MLF2: variants seen among roughly 807,000 people sequenced by gnomAD.
MLF2 encodes myelodysplasia-myeloid leukemia factor 2.
MLF2 carries 12 observed loss-of-function variants against 31.4 expected under a neutral mutation model. That is an observed-to-expected ratio of 0.38 (90% CI 0.24 to 0.62). The LOEUF is 0.62. Ranked by LOEUF, MLF2 falls within the 20% of genes least tolerant of loss-of-function variation. The pLI, the probability that MLF2 is intolerant of heterozygous loss-of-function variation, is 0.58. For synonymous variants in MLF2, 109 were observed against 118.8 expected (o/e 0.92, Z 0.54); for missense variants, 272 against 359.7 (o/e 0.76, Z 1.97).
Position 6,752,707 on chromosome 12 carries a change from A to ATTTT in MLF2, c.-29+231_-29+232insAAAA. 1.5e-5 allele frequency: 3 copies of ATTTT among 197,424 alleles called. No homozygotes were observed. Among genetic ancestry groups the ATTTT allele is most frequent in the Admixed American group, 1.1e-4 (2 of 18,004 alleles). 12.2% of individuals were successfully genotyped at this position (197,424 alleles called of 1,614,324 possible). A position where few individuals can be genotyped will look rare whatever the true frequency, so the allele number is the denominator to read the frequency against. ...ATGCCAAGTGCAGGTCCTCCGCCCC[A>ATTTT]TTAATGACCCCAGTCACCCCGCCCC... On this transcript the variant is annotated intron_variant, in intron 1 of 8. Coordinates refer to ENST00000203630, the MANE Select transcript of MLF2 (RefSeq NM_001382226.1). The surrounding 1 kb of genome is among the most constrained non-coding windows in gnomAD (Gnocchi z 4.6).
chr12:6,751,221 C>CTTTT, intron 4 of MLF2: 1 of 192,146 alleles, frequency 5.2e-6, no homozygotes, highest in Admixed American at 5.7e-5. Flanking sequence ...AACATCTTTT[C>CTTTT]TTTTTTTTTT....
chr12:6,748,856 C>G lies in MLF2; in HGVS notation c.686G>C (p.Arg229Pro). Residue 229 changes from arginine (R) to proline (P), a missense_variant, in exon 8 of 9, where the codon CGC becomes CCC. Transcript: ENST00000203630. The surrounding 1 kb of genome is among the most constrained non-coding windows in gnomAD (Gnocchi z 4.6). ...GTCCTCAGGTCCCTGGATGGCCAGG[C>G]GGGGAGGCCCCTCCGCCCTTCGTCC... ...AGGRRAEGPPRLAIQGPEDSP... is the reference protein window; with the variant it reads ...AGGRRAEGPPPLAIQGPEDSP... 1.9e-6 allele frequency: 3 copies of G among 1,585,764 alleles called. No homozygotes were observed. Among genetic ancestry groups the G allele is most frequent in the Non-Finnish European group, 2.6e-6 (3 of 1,169,424 alleles).
In MLF2 at chr12:6,748,947, C is replaced by G. The variant is rs758707707; in HGVS notation, c.595G>C (p.Glu199Gln). Residue 199 changes from glutamate (E) to glutamine (Q), a missense_variant, in exon 8 of 9, where the codon GAG becomes CAG. Transcript: ENST00000203630. This position sits in a 1 kb window ranked among gnomAD's most constrained non-coding sequence, Gnocchi z 4.6. ...AAAFDDEWRR[E>Q]TSRFRQQRPL... ...CGCTGCTGCCGGAATCGGGAGGTCT[C>G]CCGCCGCCACTCGTCATCAAACGCT... 1.2e-6 allele frequency: 2 copies of G among 1,600,922 alleles called. No individual in the cohort carries two copies. The highest frequency in any genetic ancestry group is 1.7e-5 in the Admixed American group (1 of 58,600).
intron 3 of MLF2, 120 bp downstream of exon 3, chr12:6,751,805 C>G: frequency 6.4e-7 from 1 of 1,568,840 alleles, no homozygotes; most frequent in Non-Finnish European, 8.7e-7. Context: ...TTTCCTGACC[C>G]TTTCCCCAAC....
rs1046145333 is a variant in MLF2, at chr12:6,750,198, C to T, written c.378G>A (p.Glu126=). The change falls in exon 6 of 9, where the codon GAG becomes GAA. Residue 126 remains glutamate (E), a synonymous_variant. Transcript: ENST00000203630. This position sits in a 1 kb window ranked among gnomAD's most constrained non-coding sequence, Gnocchi z 5.3. The part of the protein sequence containing the change: ...GAPKVYQETS[E]MRSAPGGIRE... The stretch of plus-strand genomic sequence containing the variant: ...TCACCCCGCCTGGTGCCGAGCGCAT[C>T]TCTGATGTCTCTTGGTAGACCTTGG... The T allele has an allele frequency of 1.2e-6, 2 of 1,614,214 alleles. No homozygotes were observed. Among genetic ancestry groups the T allele is most frequent in the Non-Finnish European group, 1.7e-6 (2 of 1,180,036 alleles).
At position 6,750,282 on chromosome 12, in the gene MLF2, A is replaced by G. The variant is rs1335557464; in HGVS notation, c.294T>C (p.Asn98=). 2 of 1,614,016 alleles carry G rather than the reference A, an allele frequency of 1.2e-6. No homozygotes were observed. Among genetic ancestry groups the G allele is most frequent in the East Asian group, 4.5e-5 (2 of 44,894 alleles). ...GNMEHMTAGG[N]CQTFSSSTVI... ...CAGTGGAAGATGAGAAGGTCTGGCAATTGCCTCCAGCTGTCATGTGTTCCT... is the reference window on the plus strand; with the variant it reads ...CAGTGGAAGATGAGAAGGTCTGGCAGTTGCCTCCAGCTGTCATGTGTTCCT... The change falls in exon 6 of 9, where the codon AAT becomes AAC. Residue 98 remains asparagine (N), a synonymous_variant. Transcript: ENST00000203630. The surrounding 1 kb of genome is among the most constrained non-coding windows in gnomAD (Gnocchi z 5.3).
Position 6,748,756 on chromosome 12 carries a change from C to T in MLF2, c.*25+14G>A, listed in dbSNP as rs1941563415. On this transcript the variant is annotated intron_variant, in intron 8 of 8. Transcript: ENST00000203630. This position sits in a 1 kb window ranked among gnomAD's most constrained non-coding sequence, Gnocchi z 4.6. ...CCGCAGGTGCACCCCACCCTCCTTA[C>T]TCCTGATACTTACAAGAGAGGCTGA... The T allele has an allele frequency of 1.4e-5, 21 of 1,487,956 alleles. No individual in the cohort carries two copies. The highest frequency in any genetic ancestry group is 1.9e-5 in the Non-Finnish European group (21 of 1,124,810). The allele number at this position is 1,487,956 out of a possible 1,614,324, so 92.2% of individuals were successfully genotyped here. A position where few individuals can be genotyped will look rare whatever the true frequency, so the allele number is the denominator to read the frequency against.
Position 6,749,756 on chromosome 12 carries a change from C to T in MLF2, c.559+92G>A, listed in dbSNP as rs1941583549. 2 of 1,505,186 alleles carry T rather than the reference C, an allele frequency of 1.3e-6. No individual in the cohort carries two copies. The highest frequency in any genetic ancestry group is 2.8e-5 in the African/African-American group (2 of 71,850). The allele number at this position is 1,505,186 out of a possible 1,614,324, so 93.2% of individuals were successfully genotyped here. On this transcript the variant is annotated intron_variant, in intron 7 of 8. Coordinates refer to ENST00000203630, the MANE Select transcript of MLF2 (RefSeq NM_001382226.1). The surrounding 1 kb of genome is among the most constrained non-coding windows in gnomAD (Gnocchi z 5.3). ...AAAAAAAAGGAATATGGGGCTGACC[C>T]AGAGCTTTGCCCCAGAAGTGTCTAT... is the stretch of plus-strand genomic sequence containing the variant.
Position 6,748,324 on chromosome 12 carries a change from C to A in MLF2, c.*249G>T, listed in dbSNP as rs909679808. On this transcript the variant is annotated 3_prime_UTR_variant, in exon 9 of 9. Transcript: ENST00000203630. This position sits in a 1 kb window ranked among gnomAD's most constrained non-coding sequence, Gnocchi z 4.6. ...GTGAGGGGGTTTGAAGATGGAGTGGCAGAATGAAAAATCAAGTCAGTAGAT... is the reference window on the plus strand; with the variant it reads ...GTGAGGGGGTTTGAAGATGGAGTGGAAGAATGAAAAATCAAGTCAGTAGAT... 2.0e-5 allele frequency: 3 copies of A among 153,338 alleles called. No individual in the cohort carries two copies. Among genetic ancestry groups the A allele is most frequent in the African/African-American group, 2.4e-5 (1 of 41,412 alleles). The allele number at this position is 153,338 out of a possible 1,614,324, so 9.5% of individuals were successfully genotyped here.
intron 4 of MLF2, chr12:6,751,278 C>T (rs561515113): frequency 3.8e-6 from 1 of 262,260 alleles, no homozygotes; most frequent in Non-Finnish European, 7.3e-6. Flanking sequence ...AGGGCAGTGG[C>T]GCAGTCTCGG....
chr12:6,748,834 C>T lies in MLF2; in HGVS notation c.708G>A (p.Glu236=), dbSNP rs780312966. 1.9e-6 allele frequency: 3 copies of T among 1,569,078 alleles called. No individual in the cohort carries two copies. The highest frequency in any genetic ancestry group is 2.6e-6 in the Non-Finnish European group (3 of 1,163,620). ...GGCGGGACTGTCGGGAAGGGGAGTC[C>T]TCAGGTCCCTGGATGGCCAGGCGGG... ...GPPRLAIQGP[E]DSPSRQSRRY... Residue 236 remains glutamate (E), a synonymous_variant, in exon 8 of 9, where the codon GAG becomes GAA. Transcript: ENST00000203630. The surrounding 1 kb of genome is among the most constrained non-coding windows in gnomAD (Gnocchi z 4.6).
Position 6,750,737 on chromosome 12 carries a change from C to T in MLF2, c.246G>A (p.Met82Ile). ...MSGGFMDMFG[M>I]MNDMIGNMEH... Reference sequence around the variant, plus strand: ...CCATGTTTCCAATCATGTCATTCATCATCCCAAACATGTCCATGAAACCAC... The same window carrying T: ...CCATGTTTCCAATCATGTCATTCATTATCCCAAACATGTCCATGAAACCAC... Residue 82 changes from methionine to isoleucine, a missense_variant, in exon 5 of 9, where the codon ATG (methionine) becomes ATA (isoleucine). Transcript: ENST00000203630. The surrounding 1 kb of genome is among the most constrained non-coding windows in gnomAD (Gnocchi z 5.3). The T allele has an allele frequency of 6.2e-7, 1 of 1,614,076 alleles. No individual in the cohort carries two copies. Among genetic ancestry groups the T allele is most frequent in the Non-Finnish European group, 8.5e-7 (1 of 1,180,004 alleles).
rs1941571660 is a variant in MLF2, at chr12:6,749,124, C to T, written c.560-142G>A. On this transcript the variant is annotated intron_variant, in intron 7 of 8. Coordinates refer to ENST00000203630, the MANE Select transcript of MLF2 (RefSeq NM_001382226.1). This position sits in a 1 kb window ranked among gnomAD's most constrained non-coding sequence, Gnocchi z 5.3. Reference sequence around the variant, plus strand: ...ATGGGTGGGGTGGCAATTCCCTTAGCTCTTTTGGTTTCTGCACGGTCCCAG... The same window carrying T: ...ATGGGTGGGGTGGCAATTCCCTTAGTTCTTTTGGTTTCTGCACGGTCCCAG... 1 of 923,738 alleles carries T rather than the reference C, an allele frequency of 1.1e-6. No individual in the cohort carries two copies. Among genetic ancestry groups the T allele is most frequent in the Non-Finnish European group, 1.6e-6 (1 of 644,576 alleles). 57.2% of individuals were successfully genotyped at this position (923,738 alleles called of 1,614,324 possible). A position where few individuals can be genotyped will look rare whatever the true frequency, so the allele number is the denominator to read the frequency against.
intron 3 of MLF2, 43 bp from the exon 4 acceptor site, chr12:6,751,719 A>G (rs1211568495): frequency 1.2e-6 from 2 of 1,610,150 alleles, no homozygotes; most frequent in African/African-American, 1.3e-5. Flanking sequence ...ACCACATCCT[A>G]TCTCTTTACA....
At position 6,753,096 on chromosome 12, in the gene MLF2, C is replaced by A. The variant is rs1286752778; in HGVS notation, c.-186G>T. On this transcript the variant is annotated 5_prime_UTR_variant, in exon 1 of 9. Coordinates refer to ENST00000203630, the MANE Select transcript of MLF2 (RefSeq NM_001382226.1). ...CCACAGCTGCCACCTCCGTACGGCC[C>A]CCTCGGCCAACGGAGCCCGAACCTC... The A allele has an allele frequency of 3.1e-5, 12 of 392,064 alleles. No individual in the cohort carries two copies. Among genetic ancestry groups the A allele is most frequent in the Non-Finnish European group, 4.5e-5 (10 of 222,388 alleles). 24.3% of individuals were successfully genotyped at this position (392,064 alleles called of 1,614,324 possible). A position where few individuals can be genotyped will look rare whatever the true frequency, so the allele number is the denominator to read the frequency against.
At position 6,750,654 on chromosome 12, in the gene MLF2, A is replaced by T; in HGVS notation, c.270+59T>A. ...GTTTCCCTCTTGCCTTAGAGGATGC[A>T]AGGTGTTGTCAGCCATCACTGAGAG... On this transcript the variant is annotated intron_variant, in intron 5 of 8. Transcript: ENST00000203630. The surrounding 1 kb of genome is among the most constrained non-coding windows in gnomAD (Gnocchi z 5.3). 3 of 1,539,732 alleles carry T rather than the reference A, an allele frequency of 1.9e-6. No homozygotes were observed. Among genetic ancestry groups the T allele is most frequent in the Non-Finnish European group, 2.7e-6 (3 of 1,112,944 alleles).
chr12:6,748,973 G>T lies in MLF2; in HGVS notation c.569C>A (p.Ala190Glu). 1 of 1,596,872 alleles carries T rather than the reference G, an allele frequency of 6.3e-7. No homozygotes were observed. Among genetic ancestry groups the T allele is most frequent in the Non-Finnish European group, 8.5e-7 (1 of 1,172,748 alleles). The change falls in exon 8 of 9, where the codon GCA (alanine) becomes GAA (glutamate). Residue 190 changes from alanine (A) to glutamate (E), a missense_variant. Ala to Glu is a moderately radical substitution (Grantham distance 107). Transcript: ENST00000203630. This position sits in a 1 kb window ranked among gnomAD's most constrained non-coding sequence, Gnocchi z 4.6. ...DYINLDESEA[A>E]AFDDEWRRET... Reference sequence around the variant, plus strand: ...CCGCCGCCACTCGTCATCAAACGCTGCGGCCTCACCTGGAAAGGACAGAGC... The same window carrying T: ...CCGCCGCCACTCGTCATCAAACGCTTCGGCCTCACCTGGAAAGGACAGAGC...
In MLF2 at chr12:6,752,495, C is replaced by T. The variant is rs1307109844; in HGVS notation, c.-28-133G>A. 10 of 688,434 alleles carry T rather than the reference C, an allele frequency of 1.5e-5. No homozygotes were observed. Among genetic ancestry groups the T allele is most frequent in the African/African-American group, 3.6e-5 (2 of 55,488 alleles). The allele number at this position is 688,434 out of a possible 1,614,324, so 42.6% of individuals were successfully genotyped here. A position where few individuals can be genotyped will look rare whatever the true frequency, so the allele number is the denominator to read the frequency against. On this transcript the variant is annotated intron_variant, in intron 1 of 8. Transcript: ENST00000203630. This position sits in a 1 kb window ranked among gnomAD's most constrained non-coding sequence, Gnocchi z 4.6. Reference sequence around the variant, plus strand: ...CCCTAAACTCCAGGGAGACCCTACTCCAGGTGTTCCACACAACCCTCTAGG... The same window carrying T: ...CCCTAAACTCCAGGGAGACCCTACTTCAGGTGTTCCACACAACCCTCTAGG...
Position 6,752,145 on chromosome 12 carries a change from G to T in MLF2, c.51-91C>A, listed in dbSNP as rs964787661. The T allele has an allele frequency of 6.3e-7, 1 of 1,585,116 alleles. No homozygotes were observed. The highest frequency in any genetic ancestry group is 1.3e-5 in the African/African-American group (1 of 74,414). On this transcript the variant is annotated intron_variant, in intron 2 of 8. Transcript: ENST00000203630. The surrounding 1 kb of genome is among the most constrained non-coding windows in gnomAD (Gnocchi z 4.6). ...AAAAAAATACGCACAGAGCAACAGT[G>T]GCACCGATGCCTACTTCCTGCTAGG...
Sources: gnomAD v4.1 joint callset for allele counts on GRCh38, gnomAD v4.1.1 for gene constraint, Gnocchi (gnomAD v3.1) non-coding constraint, MANE v1.5 for transcripts, NCBI Gene and HGNC (gene_info 2026-07-23, HGNC 2026-07-21) for gene names.